CLSPN: variants seen among roughly 807,000 people sequenced by gnomAD.
CLSPN encodes claspin homolog.
In CLSPN, 85 loss-of-function variants were observed where a neutral mutation model predicts 156.3. The ratio of observed to expected loss-of-function variants is 0.54; its 90% CI spans 0.46 to 0.65. CLSPN has a LOEUF of 0.65. Ranked by LOEUF, CLSPN falls within the 30% of genes least tolerant of loss-of-function variation. The probability of loss-of-function intolerance (pLI) is 0.00; values close to 1 mark genes in which losing one functional copy is unlikely to be tolerated. For synonymous variants in CLSPN, 534 were observed against 542.4 expected, an observed-to-expected ratio of 0.98 and a Z score of 0.22; for missense variants, 1,407 against 1,554.9, an observed-to-expected ratio of 0.90 and a Z score of 1.60.
At position 35,767,138 on chromosome 1, in the gene CLSPN, T is replaced by C. The variant is rs1490398914; in HGVS notation, c.25-1812A>G. 2.6e-5 allele frequency among the ~76,000 whole-genome samples: 4 copies of C among 152,110 alleles called. No individual in the cohort carries two copies. The East Asian group carries it at 7.7e-4, about 29-fold the overall frequency. ...TATGCATATATACACATATATAATA[T>C]AAACAATTACAAAATGCCAACTTCG... On this transcript the variant is annotated intron_variant, in intron 1 of 24. Transcript: ENST00000318121.
chr1:35,750,338 T>A (rs936616974), intron 10 of CLSPN, among the ~76,000 whole-genome samples: 3 of 151,216 alleles, frequency 2.0e-5, no homozygotes, highest in Non-Finnish European at 2.9e-5. Flanking sequence ...CTCAAAAAAA[T>A]TTAAATAAAT....
chr1:35,765,414 C>A, intron 1 of CLSPN, 88 bp from the exon 2 acceptor site: 1 of 830,016 alleles, frequency 1.2e-6, no homozygotes, highest in South Asian at 1.5e-5. Context: ...GTGGGATCAT[C>A]AACCTGAACT....
chr1:35,748,710 A>AC, intron 12 of CLSPN, 106 bp from the exon 13 acceptor site: 5 of 851,690 alleles, frequency 5.9e-6, no homozygotes, highest in Non-Finnish European at 9.6e-6. Flanking sequence ...TCATAGGCAA[A>AC]CCCCTCAAGT....
chr1:35,758,722 T>C (rs1287536061), intron 8 of CLSPN, among the ~76,000 whole-genome samples: 1 of 152,058 alleles, frequency 6.6e-6, no homozygotes, highest in Non-Finnish European at 1.5e-5. Flanking sequence ...TGAGTGCTTG[T>C]TTATACTATC....
intron 18 of CLSPN, among the ~76,000 whole-genome samples, chr1:35,740,376 C>T (rs189686101): frequency 6.6e-6 from 1 of 151,704 alleles, no homozygotes; most frequent in African/African-American, 2.4e-5. Context: ...AGTTTGGTGG[C>T]TTTCTGAAAA....
At chr1:35,720,442 C>CTTTTTTTTTTTTTTTTTTTTTTTTTTTTT (rs71062889) in exon 25 of CLSPN, 1 of 80,934 alleles carries the variant, frequency 1.2e-5, no homozygotes, top group Non-Finnish European at 2.2e-5. Flanking sequence ...CAAATCCTCA[C>CTTTTTTTTTTTTTTTTTTTTTTTTTTTTT]TTTTTTTTTT....
At chr1:35,765,360 CA>C in intron 1 of CLSPN, 34 bp from the exon 2 acceptor site, 1 of 1,462,446 alleles carries the variant, frequency 6.8e-7, no homozygotes, top group Non-Finnish European at 9.6e-7. Context: ...TATCAACCAG[CA>C]GGTGACCGAA....
intron 9 of CLSPN, among the ~76,000 whole-genome samples, chr1:35,753,065 A>C (rs1642146066): frequency 1.3e-5 from 2 of 152,168 alleles, no homozygotes. Context: ...AATGCATGTT[A>C]TGATCACATT....
At chr1:35,757,928 C>T (rs1369486453) in intron 8 of CLSPN, among the ~76,000 whole-genome samples, 1 of 152,220 alleles carries the variant, frequency 6.6e-6, no homozygotes, top group African/African-American at 2.4e-5. Flanking sequence ...ATATTTTACA[C>T]ACCAGATACA....
At chr1:35,745,206 C>T (rs1641835675) in intron 16 of CLSPN, among the ~76,000 whole-genome samples, 2 of 152,284 alleles carry the variant, frequency 1.3e-5, no homozygotes, top group African/African-American at 2.4e-5. Flanking sequence ...TAAAAGTCAT[C>T]TTAATGGGTG....
intron 6 of CLSPN, 58 bp from the exon 7 acceptor site, chr1:35,761,262 C>T (rs1394331074): frequency 2.8e-6 from 3 of 1,077,584 alleles, no homozygotes; most frequent in Middle Eastern, 2.1e-4. Flanking sequence ...AATGTCACTT[C>T]ATATTCAGTT....
chr1:35,754,009 GT>G (rs1490787148), intron 8 of CLSPN, 73 bp from the exon 9 acceptor site: 73 of 1,377,898 alleles, frequency 5.3e-5, no homozygotes, highest in Middle Eastern at 4.8e-4. Context: ...TATAAGCTAA[GT>G]TTTTTTTAGC....
Position 35,749,818 on chromosome 1 carries a change from C to A in CLSPN, c.2029-7G>T. On this transcript the variant is annotated splice_region_variant and splice_polypyrimidine_tract_variant and intron_variant, in intron 10 of 24. Coordinates refer to ENST00000318121, the MANE Select transcript of CLSPN (RefSeq NM_022111.4). ...TAAGAAGGAATTCTGCAGTCTTTAC[C>A]AATCAGGCCACCACAAAACAAAAAA... is the stretch of plus-strand genomic sequence containing the variant. 6.2e-7 allele frequency: 1 copy of A among 1,611,748 alleles called. No homozygotes were observed. Among genetic ancestry groups the A allele is most frequent in the Non-Finnish European group, 8.5e-7 (1 of 1,179,002 alleles).
At chr1:35,757,028 CT>C (rs1642293985) in intron 8 of CLSPN, among the ~76,000 whole-genome samples, 1 of 152,166 alleles carries the variant, frequency 6.6e-6, no homozygotes, top group African/African-American at 2.4e-5. Flanking sequence ...GGAGATCACC[CT>C]GTGCTTTCCA....
intron 15 of CLSPN, 85 bp from the exon 16 acceptor site, chr1:35,745,647 G>T: frequency 1.1e-6 from 1 of 922,896 alleles, no homozygotes. Flanking sequence ...ATGCCAGCTC[G>T]ATACAGTTCT....
intron 1 of CLSPN, among the ~76,000 whole-genome samples, chr1:35,769,294 G>C (rs1188458281): frequency 6.6e-6 from 1 of 152,198 alleles, no homozygotes. Flanking sequence ...TTTCGCCAGG[G>C]AGCTGCCAGC....
Position 35,735,755 on chromosome 1 carries a change from A to G in CLSPN, c.*741T>C, listed in dbSNP as rs1222941321. The stretch of plus-strand genomic sequence containing the variant: ...TTCACCGAGCCCTGGTCATCATGGT[A>G]CGTATCTCATGGGTGTAAAGGAGTC... On this transcript the variant is annotated 3_prime_UTR_variant, in exon 25 of 25. Transcript: ENST00000318121. 1.0e-6 allele frequency: 1 copy of G among 984,832 alleles called. No individual in the cohort carries two copies. Among genetic ancestry groups the G allele is most frequent in the Non-Finnish European group, 1.2e-6 (1 of 829,806 alleles). The allele number at this position is 984,832 out of a possible 1,614,324, so 61.0% of individuals were successfully genotyped here. A position where few individuals can be genotyped will look rare whatever the true frequency, so the allele number is the denominator to read the frequency against.
In CLSPN at chr1:35,763,201, A is replaced by C; in HGVS notation, c.703T>G (p.Ser235Ala). The part of the protein sequence containing the change: ...SPLEDEESLE[S>A]IRAAVKNKVK... Reference sequence around the variant, plus strand: ...TTGTTTTTTACAGCTGCTCTTATTGATTCTAATGACTCTTCATCTTCCAAT... The same window carrying C: ...TTGTTTTTTACAGCTGCTCTTATTGCTTCTAATGACTCTTCATCTTCCAAT... Residue 235 changes from serine (S) to alanine (A), a missense_variant, in exon 4 of 25, where the codon TCA (serine) becomes GCA (alanine). By Grantham distance (99) the Ser-to-Ala change is moderately conservative. Transcript: ENST00000318121. 1 of 1,602,660 alleles carries C rather than the reference A, an allele frequency of 6.2e-7. No homozygotes were observed. The highest frequency in any genetic ancestry group is 8.5e-7 in the Non-Finnish European group (1 of 1,176,642).
At position 35,751,509 on chromosome 1, in the gene CLSPN, G is replaced by T. The variant is rs1230894155; in HGVS notation, c.1772-3C>A. On this transcript the variant is annotated splice_region_variant and splice_polypyrimidine_tract_variant and intron_variant, in intron 9 of 24. Transcript: ENST00000318121. Reference sequence around the variant, plus strand: ...TTTTAACACCTGAAGCTTTTCACCTGAACAGAAATATGTAGAAATGCTTTA... The same window carrying T: ...TTTTAACACCTGAAGCTTTTCACCTTAACAGAAATATGTAGAAATGCTTTA... The T allele has an allele frequency of 1.2e-6, 2 of 1,610,806 alleles. No individual in the cohort carries two copies. Among genetic ancestry groups the T allele is most frequent in the South Asian group, 1.1e-5 (1 of 90,420 alleles).
Sources: allele counts gnomAD v4.1 joint callset (sites outside exome capture counted in the v4.1 genomes callset), GRCh38; gene constraint gnomAD v4.1.1; transcripts MANE v1.5; gene names NCBI Gene and HGNC (gene_info 2026-07-23, HGNC 2026-07-21).